The following TTLL5 variants were observed in gnomAD, a reference collection of about 807,000 sequenced individuals.
The protein encoded by TTLL5 is tubulin polyglutamylase TTLL5.
A neutral mutation model predicts 168.4 loss-of-function variants in TTLL5; 132 were observed. The ratio of observed to expected loss-of-function variants is 0.78; its 90% confidence interval spans 0.68 to 0.91. TTLL5 has a LOEUF of 0.91. Among genes scored for constraint, TTLL5 ranks in the 40% least tolerant of loss-of-function variants. TTLL5 has a pLI of 0.00. For missense variants in TTLL5, 1,545 were observed against 1,581.5 expected, an observed-to-expected ratio of 0.98 and a Z score of 0.39; for synonymous variants, 546 against 558.6, an observed-to-expected ratio of 0.98 and a Z score of 0.32.
intron 28 of TTLL5, among the ~76,000 whole-genome samples, chr14:75,834,649 T>G (rs910993998): frequency 6.6e-6 from 1 of 152,184 alleles, no homozygotes; most frequent in Non-Finnish European, 1.5e-5. Flanking sequence ...GGGCAGTTCT[T>G]TAGCCTACTA....
chr14:75,676,709 C>T (rs1028480277), intron 3 of TTLL5, among the ~76,000 whole-genome samples: 1 of 151,428 alleles, frequency 6.6e-6, no homozygotes, highest in Non-Finnish European at 1.5e-5. Context: ...AGTGTGGTGG[C>T]AGTTGTATTT....
At chr14:75,853,392 A>T (rs1260058138) in intron 28 of TTLL5, among the ~76,000 whole-genome samples, 1 of 151,760 alleles carries the variant, frequency 6.6e-6, no homozygotes, top group East Asian at 1.9e-4. Context: ...ACATTTTTTC[A>T]CCTCCTCATT....
chr14:75,808,077 A>C (rs185218327), intron 27 of TTLL5, among the ~76,000 whole-genome samples: 10 of 152,108 alleles, frequency 6.6e-5, no homozygotes, highest in African/African-American at 9.6e-5. Flanking sequence ...GGCAGCAGCA[A>C]CTCCCCCTGT....
intron 28 of TTLL5, among the ~76,000 whole-genome samples, chr14:75,850,196 C>T (rs1390424121): frequency 2.6e-5 from 4 of 151,754 alleles, no homozygotes; most frequent in East Asian, 1.9e-4. Context: ...CACTTGAGGC[C>T]GGGAGTTCGA....
chr14:75,869,347 G>T (rs2030818663), intron 29 of TTLL5, among the ~76,000 whole-genome samples: 1 of 152,078 alleles, frequency 6.6e-6, no homozygotes. Flanking sequence ...CTCTAGACAG[G>T]CTTTGGAGTC....
At chr14:75,706,982 A>C (rs1886704985) in intron 7 of TTLL5, 36 bp from the exon 8 acceptor site, 4,396 of 1,217,730 alleles carry the variant, frequency 3.6e-3, no homozygotes, top group Non-Finnish European at 4.8e-3. Flanking sequence ...ATTCCTGTGT[A>C]TTTCTATTCT....
At chr14:75,732,473 CA>C (rs1888605771) in intron 13 of TTLL5, 54 bp downstream of exon 13, 6 of 1,442,842 alleles carry the variant, frequency 4.2e-6, no homozygotes, top group Admixed American at 2.0e-5. Context: ...GTACTTAAAG[CA>C]CTTTTTTTTT....
At chr14:75,925,436 TCCTCACATCCCAGA>T (rs2034010397) in intron 31 of TTLL5, among the ~76,000 whole-genome samples, 1 of 131,164 alleles carries the variant, frequency 7.6e-6, no homozygotes, top group South Asian at 2.7e-4. Flanking sequence ...GCAGAGGCGC[TCCTCACATCCCAGA>T]CGGGGCGGCG....
At chr14:75,746,284 T>A (rs1889605255) in intron 17 of TTLL5, among the ~76,000 whole-genome samples, 1 of 152,240 alleles carries the variant, frequency 6.6e-6, no homozygotes, top group South Asian at 2.1e-4. Context: ...TGTTTGAATA[T>A]ACCAGAATTT....
At chr14:75,887,143 C>G in intron 30 of TTLL5, 1 of 1,033,632 alleles carries the variant, frequency 9.7e-7, no homozygotes, top group African/African-American at 1.7e-5. Context: ...GTTAAGGCTG[C>G]CAGGGATTAG....
At chr14:75,771,138 G>A (rs1363914769) in intron 20 of TTLL5, among the ~76,000 whole-genome samples, 1 of 152,150 alleles carries the variant, frequency 6.6e-6, no homozygotes, top group Non-Finnish European at 1.5e-5. Context: ...AAAGTTCAAA[G>A]AGGGTCAAGC....
At chr14:75,735,963 T>A (rs937097277) in intron 15 of TTLL5, among the ~76,000 whole-genome samples, 2 of 151,670 alleles carry the variant, frequency 1.3e-5, no homozygotes, top group African/African-American at 4.9e-5. Flanking sequence ...TCTTCTTATT[T>A]AAAAAAAAAT....
intron 18 of TTLL5, among the ~76,000 whole-genome samples, chr14:75,753,541 G>A (rs1890080865): frequency 6.6e-6 from 1 of 152,106 alleles, no homozygotes; most frequent in South Asian, 2.1e-4. Flanking sequence ...TCAAAATAAG[G>A]CACCCTAGTT....
At chr14:75,708,566 C>T (rs906932354) in intron 9 of TTLL5, among the ~76,000 whole-genome samples, 25 of 151,978 alleles carry the variant, frequency 1.6e-4, no homozygotes, top group Non-Finnish European at 2.9e-4. Flanking sequence ...ACCTCGTGAT[C>T]CGCCTGCCTC....
intron 6 of TTLL5, among the ~76,000 whole-genome samples, chr14:75,692,215 C>T (rs2140140567): frequency 6.6e-6 from 1 of 152,252 alleles, no homozygotes; most frequent in South Asian, 2.1e-4. Flanking sequence ...ATGTGGAAAT[C>T]ACTTGGGATA....
chr14:75,724,421 T>C (rs1272668210), intron 12 of TTLL5, among the ~76,000 whole-genome samples: 10 of 152,062 alleles, frequency 6.6e-5, no homozygotes, highest in Non-Finnish European at 4.4e-5. Flanking sequence ...GATACAGATA[T>C]AGATATATAT....
intron 29 of TTLL5, among the ~76,000 whole-genome samples, chr14:75,872,707 C>CAG (rs1566639679): frequency 6.6e-6 from 1 of 151,832 alleles, no homozygotes; most frequent in Non-Finnish European, 1.5e-5. Flanking sequence ...ATTGGGAGTT[C>CAG]GAGACCAGCC....
chr14:75,719,124 G>A (rs1041625062), intron 10 of TTLL5, among the ~76,000 whole-genome samples: 8 of 152,100 alleles, frequency 5.3e-5, no homozygotes, highest in Non-Finnish European at 5.9e-5. Context: ...TGGCCACTCC[G>A]CTGCCATAGC....
chr14:75,883,047 C>A (rs1382218027), intron 30 of TTLL5, 145 bp downstream of exon 30: 6 of 909,954 alleles, frequency 6.6e-6, no homozygotes, highest in Non-Finnish European at 9.7e-6. Flanking sequence ...CCCTAGTTCT[C>A]AGCGTGGGCT....
Sources: gnomAD v4.1 joint callset for allele counts (sites outside exome capture counted in the v4.1 genomes callset) on GRCh38, gnomAD v4.1.1 for gene constraint, MANE v1.5 for transcripts, NCBI Gene and HGNC (gene_info 2026-07-23, HGNC 2026-07-21) for gene names.